Variants in SLC36A1 observed in about 807,000 individuals in gnomAD.
SLC36A1 encodes proton-coupled amino acid transporter 1.
In SLC36A1, 30 loss-of-function variants were observed where a neutral mutation model predicts 47.5. The observed-to-expected ratio is 0.63, with a 90% CI of 0.47 to 0.86. The LOEUF (loss-of-function observed/expected upper bound fraction) is 0.86. SLC36A1 is among the 40% of genes least tolerant of loss of function. The pLI, the probability that SLC36A1 is intolerant of heterozygous loss-of-function variation, is 0.00. For synonymous variants in SLC36A1, 255 were observed against 249.7 expected (o/e 1.02, Z -0.20); for missense variants, 517 against 606.0 (o/e 0.85, Z 1.54).
the SLC36A1 span, among the ~76,000 whole-genome samples, chr5:151,390,701 A>G: frequency 0.013 from 1,949 of 152,296 alleles, 15 homozygotes; most frequent in South Asian, 0.024. Context: ...AGGTTTGTCA[A>G]AGATCAGATG....
chr5:151,472,170 G>A (rs184566096), intron 7 of SLC36A1, among the ~76,000 whole-genome samples: 10 of 152,324 alleles, frequency 6.6e-5, no homozygotes, highest in Admixed American at 2.0e-4. Flanking sequence ...ACAACAGGCC[G>A]TCTGCAGGCT....
intron 1 of SLC36A1, among the ~76,000 whole-genome samples, chr5:151,458,105 C>T (rs148847411): frequency 0.2 from 30,366 of 151,340 alleles, 3,319 homozygotes; most frequent in African/African-American, 0.31. Context: ...GCCTTGGCCT[C>T]CCAAAGTGCT....
chr5:151,369,561 C>T, the SLC36A1 span, among the ~76,000 whole-genome samples: 1 of 152,228 alleles, frequency 6.6e-6, no homozygotes, highest in Non-Finnish European at 1.5e-5. Flanking sequence ...ACTGCAACTT[C>T]AAACTCTTGG....
chr5:151,517,508 G>A, the SLC36A1 span: 2 of 1,327,010 alleles, frequency 1.5e-6, no homozygotes, highest in Non-Finnish European at 2.1e-6. Flanking sequence ...CCTGAAAACT[G>A]TGCAGGGATT....
chr5:151,425,480 G>A, the SLC36A1 span: 1 of 152,320 alleles, frequency 6.6e-6, no homozygotes, highest in Admixed American at 6.5e-5. Context: ...GGGAAGAGCT[G>A]GCAGACAGGC....
At chr5:151,543,515 C>G in the SLC36A1 span, 2 of 1,614,088 alleles carry the variant, frequency 1.2e-6, no homozygotes, top group Admixed American at 3.3e-5. Context: ...TGCAGAGTGG[C>G]AATCTGGCCA....
the SLC36A1 span, among the ~76,000 whole-genome samples, chr5:151,529,805 C>T: frequency 2.0e-5 from 3 of 152,142 alleles, no homozygotes; most frequent in African/African-American, 7.2e-5. Context: ...AAATGACAGA[C>T]CTCAGGGCAT....
chr5:151,424,218 A>G, the SLC36A1 span, among the ~76,000 whole-genome samples: 1,725 of 152,310 alleles, frequency 0.011, 15 homozygotes, highest in Non-Finnish European at 0.018. Context: ...GTTGGACAGG[A>G]CATGGGTTTG....
the SLC36A1 span, among the ~76,000 whole-genome samples, chr5:151,412,102 C>T: frequency 2.1e-5 from 3 of 144,990 alleles, no homozygotes; most frequent in Non-Finnish European, 4.6e-5. Context: ...CCTCCACATC[C>T]TCTTTGTGGA....
chr5:151,525,946 C>G, the SLC36A1 span: 1 of 1,614,132 alleles, frequency 6.2e-7, no homozygotes, highest in South Asian at 1.1e-5. Flanking sequence ...CAGGACTTTG[C>G]TGCCAATGGG....
At chr5:151,516,831 G>A in the SLC36A1 span, among the ~76,000 whole-genome samples, 1 of 152,070 alleles carries the variant, frequency 6.6e-6, no homozygotes, top group Non-Finnish European at 1.5e-5. Context: ...TGGGGCTGAG[G>A]GCAGTGGTTC....
the SLC36A1 span, among the ~76,000 whole-genome samples, chr5:151,399,218 A>C: frequency 1.3e-5 from 2 of 150,674 alleles, no homozygotes; most frequent in African/African-American, 4.9e-5. Context: ...TACTAAGTAG[A>C]TGGGATTACA....
intron 1 of SLC36A1, chr5:151,451,182 G>T (rs1208066181): frequency 6.7e-6 from 1 of 149,298 alleles, no homozygotes; most frequent in Non-Finnish European, 1.5e-5. Context: ...TGACACCCAG[G>T]GCCAGTTCTT....
chr5:151,478,832 T>A (rs200772261), intron 9 of SLC36A1, among the ~76,000 whole-genome samples: 1 of 149,524 alleles, frequency 6.7e-6, no homozygotes, highest in African/African-American at 2.6e-5. Flanking sequence ...TCCTCTTTTT[T>A]CTTTTTTAAG....
At chr5:151,507,429 A>G in the SLC36A1 span, 1 of 1,614,184 alleles carries the variant, frequency 6.2e-7, no homozygotes, top group Non-Finnish European at 8.5e-7. Flanking sequence ...TGGGTCCTCC[A>G]TGGCCACAGG....
At chr5:151,406,406 GCAC>G in the SLC36A1 span, 1 of 152,324 alleles carries the variant, frequency 6.6e-6, no homozygotes, top group South Asian at 2.1e-4. Context: ...TCTACCCCAT[GCAC>G]CTTCTTCACT....
the SLC36A1 span, chr5:151,544,645 A>G: frequency 4.3e-6 from 7 of 1,614,170 alleles, no homozygotes; most frequent in Non-Finnish European, 5.9e-6. Flanking sequence ...TCTCACAGTG[A>G]CAAGTACCTC....
chr5:151,379,000 T>G, the SLC36A1 span, among the ~76,000 whole-genome samples: 2 of 152,162 alleles, frequency 1.3e-5, no homozygotes, highest in Non-Finnish European at 2.9e-5. Context: ...AATTACACAA[T>G]AAATAATCAA....
the SLC36A1 span, chr5:151,382,492 C>T: frequency 1.9e-6 from 1 of 534,362 alleles, no homozygotes; most frequent in South Asian, 2.8e-5. Context: ...GCATTTTTCC[C>T]AGACCCTGCT....
Sources: allele counts gnomAD v4.1 joint callset (sites outside exome capture counted in the v4.1 genomes callset), GRCh38; gene constraint gnomAD v4.1.1; transcripts MANE v1.5; gene names NCBI Gene and HGNC (gene_info 2026-07-23, HGNC 2026-07-21).